Variants in ZC2HC1B observed in about 807,000 individuals in gnomAD.
ZC2HC1B encodes zinc finger C2HC-type containing 1B, also known as zinc finger C2HC domain-containing protein 1B.
In ZC2HC1B, 36 loss-of-function variants were observed where a neutral mutation model predicts 31.0. That is an observed-to-expected ratio of 1.16 (90% CI 0.89 to 1.54). The LOEUF (loss-of-function observed/expected upper bound fraction) is 1.54. Among genes scored for constraint, ZC2HC1B ranks in the 40% most tolerant of loss-of-function variants. The probability of loss-of-function intolerance (pLI) is 0.00; values close to 1 mark genes in which losing one functional copy is unlikely to be tolerated. For missense variants in ZC2HC1B, 260 were observed against 268.6 expected (o/e 0.97, Z 0.22); for synonymous variants, 73 against 88.0 (o/e 0.83, Z 0.95).
chr6:143,881,390 A>G (rs1562338257), intron 1 of ZC2HC1B, among the ~76,000 whole-genome samples: 1 of 151,870 alleles, frequency 6.6e-6, no homozygotes, highest in African/African-American at 2.4e-5. Flanking sequence ...GTCTCCACAA[A>G]AAATAAAAAA....
intron 6 of ZC2HC1B, among the ~76,000 whole-genome samples, chr6:143,920,906 C>CAAA (rs59847897): frequency 3.3e-5 from 3 of 91,464 alleles, no homozygotes; most frequent in Non-Finnish European, 4.9e-5. Flanking sequence ...GACTCCGTCT[C>CAAA]AAAAAAAAAA....
rs1018168582 is a variant in ZC2HC1B at position 143,904,504 on chromosome 6, C to T, written c.598+1352C>T. Among the ~76,000 whole-genome samples, 22 of 152,206 alleles carry T rather than the reference C, an allele frequency of 1.4e-4. 1 individual carries two copies. In the East Asian group the frequency reaches 2.1e-3, roughly 15 times the overall value. On this transcript the variant is annotated intron_variant, in intron 6 of 7. Transcript: ENST00000237275. ...AGCCTCCCAAGTACCCAGGACTATA[C>T]GCATGTGCCAACATGCCCAGATAAT...
chr6:143,893,013 A>T (rs945163576), intron 4 of ZC2HC1B, among the ~76,000 whole-genome samples: 1 of 151,342 alleles, frequency 6.6e-6, no homozygotes, highest in Admixed American at 6.6e-5. Context: ...AAAAAAAAAA[A>T]TGGAAAGGCA....
chr6:143,921,589 A>G lies in ZC2HC1B; in HGVS notation c.599-16060A>G, dbSNP rs1777986549. Among the ~76,000 whole-genome samples, 1 of 152,222 alleles carries G rather than the reference A, an allele frequency of 6.6e-6. No individual in the cohort carries two copies. The highest frequency in any genetic ancestry group is 1.5e-5 in the Non-Finnish European group (1 of 68,030). ...AGCTTTGTTTTATTTCAAGCTCAAG[A>G]TGCTTTTTAAATTTAATTTCTTACT... On this transcript the variant is annotated intron_variant, in intron 6 of 7. Coordinates refer to ENST00000237275, the MANE Select transcript of ZC2HC1B (RefSeq NM_001013623.3). This position sits in a 1 kb window ranked among gnomAD's most constrained non-coding sequence, Gnocchi z 6.1.
chr6:143,880,368 T>C (rs1309253609), intron 1 of ZC2HC1B, among the ~76,000 whole-genome samples: 1 of 152,254 alleles, frequency 6.6e-6, no homozygotes, highest in East Asian at 1.9e-4. Context: ...TCATTTGTTC[T>C]GATTTTTAAA....
chr6:143,900,752 A>G (rs1254386108), intron 5 of ZC2HC1B, among the ~76,000 whole-genome samples: 2 of 152,214 alleles, frequency 1.3e-5, no homozygotes, highest in Non-Finnish European at 2.9e-5. Flanking sequence ...AGAGACAGGA[A>G]GACAATCTCT....
In ZC2HC1B at chr6:143,871,273, G is replaced by A. The variant is rs981417913; in HGVS notation, c.28+6706G>A. On this transcript the variant is annotated intron_variant, in intron 1 of 7. Coordinates refer to ENST00000237275, the MANE Select transcript of ZC2HC1B (RefSeq NM_001013623.3). This position sits in a 1 kb window ranked among gnomAD's most constrained non-coding sequence, Gnocchi z 4.1. The stretch of plus-strand genomic sequence containing the variant: ...AATGTCATCAATGTAATGGACCAGT[G>A]TGATACCTTGTGGAAGCAAAAAGTG... Among the ~76,000 whole-genome samples, 1 of 152,220 alleles carries A rather than the reference G, an allele frequency of 6.6e-6. No homozygotes were observed. The highest frequency in any genetic ancestry group is 2.4e-5 in the African/African-American group (1 of 41,458).
At position 143,895,458 on chromosome 6, in the gene ZC2HC1B, C is replaced by T. The variant is rs150928439; in HGVS notation, c.350-3094C>T. Among the ~76,000 whole-genome samples the T allele has an allele frequency of 9.9e-4, 151 of 152,234 alleles. 4 individuals are homozygous for T. In the East Asian group the frequency reaches 0.027, roughly 27 times the overall value. ...GATTACAGGCATGAGCCACTGCACC[C>T]GGCCAGTACTAAAGAATTTATATAC... On this transcript the variant is annotated intron_variant, in intron 4 of 7. Coordinates refer to ENST00000237275, the MANE Select transcript of ZC2HC1B (RefSeq NM_001013623.3). The surrounding 1 kb of genome is among the most constrained non-coding windows in gnomAD (Gnocchi z 4.8).
In ZC2HC1B at chr6:143,870,590, A is replaced by G. The variant is rs911742257; in HGVS notation, c.28+6023A>G. Among the ~76,000 whole-genome samples the G allele has an allele frequency of 6.6e-6, 1 of 152,224 alleles. No homozygotes were observed. Among genetic ancestry groups the G allele is most frequent in the Non-Finnish European group, 1.5e-5 (1 of 68,042 alleles). On this transcript the variant is annotated intron_variant, in intron 1 of 7. Coordinates refer to ENST00000237275, the MANE Select transcript of ZC2HC1B (RefSeq NM_001013623.3). The surrounding 1 kb of genome is among the most constrained non-coding windows in gnomAD (Gnocchi z 4.7). Reference sequence around the variant, plus strand: ...CCCACTTTATGGCTAGATGGGTCAGAAAGCACTCAGTTCATGATAGGCAGG... The same window carrying G: ...CCCACTTTATGGCTAGATGGGTCAGGAAGCACTCAGTTCATGATAGGCAGG...
At chr6:143,925,886 T>C (rs1316349757) in intron 6 of ZC2HC1B, among the ~76,000 whole-genome samples, 1 of 152,230 alleles carries the variant, frequency 6.6e-6, no homozygotes, top group Non-Finnish European at 1.5e-5. Flanking sequence ...CCATTTCCTC[T>C]AGCTTTTCTA....
chr6:143,879,032 G>C (rs1777438591), intron 1 of ZC2HC1B, among the ~76,000 whole-genome samples: 1 of 152,120 alleles, frequency 6.6e-6, no homozygotes, highest in African/African-American at 2.4e-5. Flanking sequence ...TGGGGGCAGG[G>C]CGCGATCTAG....
chr6:143,890,104 A>G (rs1222356498), intron 4 of ZC2HC1B, among the ~76,000 whole-genome samples: 2 of 152,170 alleles, frequency 1.3e-5, no homozygotes, highest in Non-Finnish European at 2.9e-5. Flanking sequence ...AATAGTTTTA[A>G]CTGAATGATA....
intron 6 of ZC2HC1B, among the ~76,000 whole-genome samples, chr6:143,937,051 C>CA (rs967181256): frequency 5.9e-5 from 9 of 151,482 alleles, no homozygotes; most frequent in African/African-American, 9.7e-5. Flanking sequence ...TATTTTTTAA[C>CA]AAAAAAAAGA....
In ZC2HC1B at chr6:143,871,133, AT is replaced by A. The variant is rs1193935971; in HGVS notation, c.28+6568del. Among the ~76,000 whole-genome samples the A allele has an allele frequency of 3.9e-5, 6 of 152,166 alleles. No individual in the cohort carries two copies. The highest frequency in any genetic ancestry group is 8.8e-5 in the Non-Finnish European group (6 of 68,030). On this transcript the variant is annotated intron_variant, in intron 1 of 7. Coordinates refer to ENST00000237275, the MANE Select transcript of ZC2HC1B (RefSeq NM_001013623.3). This position sits in a 1 kb window ranked among gnomAD's most constrained non-coding sequence, Gnocchi z 4.1. ...ATACCACTGGACCCCTAGAAATTTT[AT>A]TGTGGAAGAAGTTCCCTAAATTTTC...
chr6:143,901,005 AT>A (rs1007271234), intron 5 of ZC2HC1B, among the ~76,000 whole-genome samples: 1 of 149,492 alleles, frequency 6.7e-6, no homozygotes, highest in African/African-American at 2.5e-5. Context: ...TGCCTGACTA[AT>A]TTTTGTATGT....
At chr6:143,920,653 G>C (rs551756757) in intron 6 of ZC2HC1B, among the ~76,000 whole-genome samples, 1 of 152,110 alleles carries the variant, frequency 6.6e-6, no homozygotes, top group Non-Finnish European at 1.5e-5. Flanking sequence ...GCTCACACCT[G>C]TAATCCCAGT....
At position 143,871,518 on chromosome 6, in the gene ZC2HC1B, T is replaced by A. The variant is rs12199553; in HGVS notation, c.28+6951T>A. On this transcript the variant is annotated intron_variant, in intron 1 of 7. Coordinates refer to ENST00000237275, the MANE Select transcript of ZC2HC1B (RefSeq NM_001013623.3). This position sits in a 1 kb window ranked among gnomAD's most constrained non-coding sequence, Gnocchi z 4.1. Reference sequence around the variant, plus strand: ...TTGGCTCAAACAATGAAACCACATCTGGTACAGCAGCTGCAGTTGGAGTCA... The same window carrying A: ...TTGGCTCAAACAATGAAACCACATCAGGTACAGCAGCTGCAGTTGGAGTCA... Among the ~76,000 whole-genome samples, 6 of 152,092 alleles carry A rather than the reference T, an allele frequency of 3.9e-5. No homozygotes were observed. Among genetic ancestry groups the A allele is most frequent in the Non-Finnish European group, 7.4e-5 (5 of 68,004 alleles).
At chr6:143,914,270 G>A (rs966637368) in intron 6 of ZC2HC1B, among the ~76,000 whole-genome samples, 2 of 151,834 alleles carry the variant, frequency 1.3e-5, no homozygotes, top group South Asian at 2.1e-4. Context: ...ATAAGTTTCA[G>A]TGTGTTTTTT....
rs1027085318 is a variant in ZC2HC1B, at chr6:143,933,816, C to T, written c.599-3833C>T. 3.3e-5 allele frequency among the ~76,000 whole-genome samples: 5 copies of T among 152,204 alleles called. No individual in the cohort carries two copies. The East Asian group carries it at 5.8e-4, about 18-fold the overall frequency. On this transcript the variant is annotated intron_variant, in intron 6 of 7. Transcript: ENST00000237275. This position sits in a 1 kb window ranked among gnomAD's most constrained non-coding sequence, Gnocchi z 6.4. Reference sequence around the variant, plus strand: ...TTTGCCAATCTGCCACACTGTCAGCCGCATCTCCACTGTGCTTTCTGCAAC... The same window carrying T: ...TTTGCCAATCTGCCACACTGTCAGCTGCATCTCCACTGTGCTTTCTGCAAC...
Sources: allele counts gnomAD v4.1 joint callset (sites outside exome capture counted in the v4.1 genomes callset), GRCh38; gene constraint gnomAD v4.1.1; non-coding constraint Gnocchi (gnomAD v3.1); transcripts MANE v1.5; gene names NCBI Gene and HGNC (gene_info 2026-07-23, HGNC 2026-07-21).